The following ZAN variants were observed in gnomAD, a reference collection of about 807,000 sequenced individuals.
The protein encoded by ZAN is zonadhesin (gene/pseudogene).
A neutral mutation model predicts 286.2 loss-of-function variants in ZAN; 260 were observed. The observed-to-expected ratio is 0.91, with a 90% CI of 0.82 to 1.01. ZAN has a LOEUF of 1.01. Ranked by LOEUF, ZAN falls within the 50% of genes least tolerant of loss-of-function variation. The pLI, the probability that ZAN is intolerant of heterozygous loss-of-function variation, is 0.00. For missense variants in ZAN, 3,410 were observed against 3,639.2 expected, an observed-to-expected ratio of 0.94 and a Z score of 1.62; for synonymous variants, 1,368 against 1,417.5, an observed-to-expected ratio of 0.97 and a Z score of 0.79.
chr7:100,762,421 T>A (rs199997720), intron 20 of ZAN, 63 bp downstream of exon 20: 111 of 375,404 alleles, frequency 3.0e-4, no homozygotes, highest in East Asian at 1.6e-3. Flanking sequence ...GGAACTCTCT[T>A]TTTTTTTTTT....
At chr7:100,767,467 G>GGT (rs1810067688) in intron 25 of ZAN, among the ~76,000 whole-genome samples, 1 of 77,972 alleles carries the variant, frequency 1.3e-5, no homozygotes, top group African/African-American at 4.9e-5. Context: ...GTTTTTTGCC[G>GGT]TTTTTTTTTT....
chr7:100,789,158 G>A, intron 38 of ZAN, 60 bp from the exon 39 acceptor site: 1 of 1,568,166 alleles, frequency 6.4e-7, no homozygotes, highest in South Asian at 1.2e-5. Context: ...GCCCAGCCAG[G>A]AAATGGCAGC....
At chr7:100,788,888 G>T (rs147760286) in intron 38 of ZAN, among the ~76,000 whole-genome samples, 49 of 152,146 alleles carry the variant, frequency 3.2e-4, no homozygotes, top group African/African-American at 1.1e-3. Context: ...TAGTAGAGAC[G>T]TGGTTTCCCC....
At chr7:100,784,940 C>T in intron 36 of ZAN, 106 bp downstream of exon 36, 1 of 1,307,390 alleles carries the variant, frequency 7.6e-7, no homozygotes, top group Non-Finnish European at 1.0e-6. Context: ...TTACAGCTGG[C>T]CCGGGGGTGT....
At chr7:100,759,641 G>A (rs968358988) in intron 17 of ZAN, 80 bp from the exon 18 acceptor site, 36 of 1,348,482 alleles carry the variant, frequency 2.7e-5, no homozygotes, top group South Asian at 5.3e-5. Flanking sequence ...CTCTCCCTGC[G>A]GCGCCAGGCT....
chr7:100,744,206 C>T (rs1365737622), intron 7 of ZAN, among the ~76,000 whole-genome samples: 1 of 149,346 alleles, frequency 6.7e-6, no homozygotes, highest in Non-Finnish European at 1.5e-5. Flanking sequence ...ATTTTCTTTT[C>T]TGTTTTTCCC....
intron 34 of ZAN, among the ~76,000 whole-genome samples, chr7:100,777,452 TC>T (rs1281504209): frequency 4.6e-5 from 7 of 152,024 alleles, no homozygotes; most frequent in African/African-American, 1.7e-4. Context: ...CTTCCGGGGT[TC>T]AAGCAATTCT....
chr7:100,766,395 A>C, intron 23 of ZAN, 130 bp from the exon 24 acceptor site: 1 of 1,170,580 alleles, frequency 8.5e-7, no homozygotes, highest in Non-Finnish European at 1.2e-6. Context: ...AGCTTCAGGA[A>C]GAGAGGATGT....
intron 40 of ZAN, among the ~76,000 whole-genome samples, chr7:100,791,752 G>A (rs1455977204): frequency 1.3e-5 from 2 of 149,454 alleles, no homozygotes; most frequent in Admixed American, 6.7e-5. Flanking sequence ...TTTAGAGACC[G>A]GGTCGTGCTC....
At chr7:100,769,846 C>G (rs1400700622) in intron 27 of ZAN, 34 bp from the exon 28 acceptor site, 1 of 1,544,764 alleles carries the variant, frequency 6.5e-7, no homozygotes, top group African/African-American at 1.4e-5. Context: ...TGCACCCAAC[C>G]TGTAGCCCTC....
At chr7:100,774,763 C>T (rs1810632259) in intron 31 of ZAN, among the ~76,000 whole-genome samples, 3 of 151,592 alleles carry the variant, frequency 2.0e-5, no homozygotes, top group Non-Finnish European at 2.9e-5. Context: ...GAGTTTGAGG[C>T]TGCAGTGAGC....
Position 100,753,002 on chromosome 7 carries a change from C to T in ZAN, c.2897C>T (p.Thr966Met), listed in dbSNP as rs776069675. Residue 966 changes from threonine to methionine, a missense_variant, in exon 14 of 48, where the codon ACG (threonine) becomes ATG (methionine). Thr to Met is a moderately conservative substitution (Grantham distance 81, BLOSUM62 -1). This residue lies in a region of ZAN where 1,042 missense variants were observed against 1,058.0 expected (regional missense o/e 0.98). Transcript: ENST00000613979. ...TIPTEKPTIS[T>M]EKPTIPTEKL... ...CCCACAGAAAAACCCACCATCTCCACGGAAAAACCCACCATCCCCACGGAA... is the reference window on the plus strand; with the variant it reads ...CCCACAGAAAAACCCACCATCTCCATGGAAAAACCCACCATCCCCACGGAA... 100 of 1,608,266 alleles carry T rather than the reference C, an allele frequency of 6.2e-5. No homozygotes were observed. The Middle Eastern group carries it at 4.1e-3, about 66-fold the overall frequency.
At chr7:100,783,644 G>T (rs544239321) in intron 35 of ZAN, among the ~76,000 whole-genome samples, 1 of 138,442 alleles carries the variant, frequency 7.2e-6, no homozygotes, top group Non-Finnish European at 1.5e-5. Context: ...TGAAGTAGGA[G>T]AATCTCTGGA....
chr7:100,761,946 G>GGATA (rs1809609386), intron 19 of ZAN, among the ~76,000 whole-genome samples: 2 of 144,656 alleles, frequency 1.4e-5, no homozygotes, highest in South Asian at 4.4e-4. Flanking sequence ...CTGAAAAAAA[G>GGATA]GATAAATAAA....
intron 37 of ZAN, 109 bp downstream of exon 37, chr7:100,786,250 G>A: frequency 6.7e-7 from 1 of 1,498,012 alleles, no homozygotes; most frequent in Non-Finnish European, 9.0e-7. Flanking sequence ...AGCACAGTCA[G>A]GGGTTGGGGC....
At chr7:100,768,130 T>C in intron 26 of ZAN, 119 bp downstream of exon 26, 2 of 1,286,686 alleles carry the variant, frequency 1.6e-6, no homozygotes, top group Admixed American at 2.8e-5. Context: ...ACTAATTCGT[T>C]GAGGACATTA....
At chr7:100,790,076 T>G (rs559251637) in intron 39 of ZAN, among the ~76,000 whole-genome samples, 7 of 149,904 alleles carry the variant, frequency 4.7e-5, no homozygotes, top group African/African-American at 1.7e-4. Flanking sequence ...CTGGGCAACA[T>G]AGCAAGATCC....
intron 11 of ZAN, among the ~76,000 whole-genome samples, 181 bp from the exon 12 acceptor site, chr7:100,750,444 T>G (rs1272792015): frequency 2.0e-5 from 3 of 152,166 alleles, no homozygotes; most frequent in Non-Finnish European, 4.4e-5. Flanking sequence ...CGCTTTTCCC[T>G]TTCTTTGTGA....
In ZAN at chr7:100,758,267, C is replaced by G. The variant is rs923235244; in HGVS notation, c.3375C>G (p.Val1125=). The part of the protein sequence containing the change: ...EHCRCWPGSR[V]ECQISQCGTH... ...GCCGCTGCTGGCCCGGCAGTCGGGTCGAGTGCCAGATCTCTCAGTGTGGGA... is the reference window on the plus strand; with the variant it reads ...GCCGCTGCTGGCCCGGCAGTCGGGTGGAGTGCCAGATCTCTCAGTGTGGGA... The change falls in exon 16 of 48, where the codon GTC becomes GTG. Residue 1125 remains valine, a synonymous_variant. Coordinates refer to ENST00000613979, the MANE Select transcript of ZAN (RefSeq NM_003386.3). The G allele has an allele frequency of 4.3e-6, 7 of 1,613,380 alleles. No individual in the cohort carries two copies. Among genetic ancestry groups the G allele is most frequent in the Non-Finnish European group, 5.9e-6 (7 of 1,179,876 alleles).
Sources: allele counts gnomAD v4.1 joint callset (sites outside exome capture counted in the v4.1 genomes callset), GRCh38; gene constraint gnomAD v4.1.1; regional missense constraint gnomAD v4.1.1; transcripts MANE v1.5; gene names NCBI Gene and HGNC (gene_info 2026-07-23, HGNC 2026-07-21).